Variants in RYR3 observed in about 807,000 individuals in gnomAD.
RYR3 encodes brain ryanodine receptor-calcium release channel.
In RYR3, 207 loss-of-function variants were observed where a neutral mutation model predicts 584.3. That is an observed-to-expected ratio of 0.35 (90% CI 0.32 to 0.40). The LOEUF (loss-of-function observed/expected upper bound fraction) is 0.40, where lower values mean the gene tolerates loss of function less well. Among genes scored for constraint, RYR3 ranks in the 10% least tolerant of loss-of-function variants. The pLI, the probability that RYR3 is intolerant of heterozygous loss-of-function variation, is 1.00. For synonymous variants in RYR3, 2,416 were observed against 2,248.5 expected (o/e 1.07, Z -2.11); for missense variants, 5,616 against 6,089.2 (o/e 0.92, Z 2.59).
At chr15:33,519,285 T>A (rs890506999) in intron 3 of RYR3, among the ~76,000 whole-genome samples, 21 of 152,204 alleles carry the variant, frequency 1.4e-4, no homozygotes, top group African/African-American at 4.8e-4. Context: ...ATTTGTGTCT[T>A]TCTATCTATC....
intron 51 of RYR3, among the ~76,000 whole-genome samples, chr15:33,740,278 C>A (rs1446783604): frequency 2.0e-5 from 3 of 152,178 alleles, no homozygotes; most frequent in Non-Finnish European, 4.4e-5. Context: ...GAGAGAACTA[C>A]CCTGACAAAT....
intron 65 of RYR3, among the ~76,000 whole-genome samples, chr15:33,781,862 G>T (rs921302425): frequency 3.3e-5 from 5 of 151,640 alleles, no homozygotes; most frequent in African/African-American, 4.8e-5. Context: ...AAAAAAAAGG[G>T]GGGGGGGATT....
At chr15:33,405,584 T>C (rs569469717) in intron 1 of RYR3, among the ~76,000 whole-genome samples, 80 of 152,364 alleles carry the variant, frequency 5.3e-4, no homozygotes, top group African/African-American at 1.7e-3. Context: ...TAAAGCATCA[T>C]AGTTTAGTCA....
In RYR3 at chr15:33,859,602, G is replaced by A; in HGVS notation, c.14170G>A (p.Val4724Met). 2 of 1,614,048 alleles carry A rather than the reference G, an allele frequency of 1.2e-6. No homozygotes were observed. The highest frequency in any genetic ancestry group is 1.7e-6 in the Non-Finnish European group (2 of 1,179,890). ...TCYLFHMYVG[V>M]RAGGGIGDEI... ...TTACCTTTTCCACATGTACGTGGGA[G>A]TGAGAGCAGGAGGTGGCATTGGTGA... The change falls in exon 100 of 104, where the codon GTG becomes ATG. Residue 4724 changes from valine (V) to methionine (M), a missense_variant. Physicochemically the swap from Val to Met is conservative, Grantham distance 21. Coordinates refer to ENST00000634891, the MANE Select transcript of RYR3 (RefSeq NM_001036.6).
At chr15:33,824,280 T>C (rs985417871) in intron 81 of RYR3, among the ~76,000 whole-genome samples, 2 of 152,246 alleles carry the variant, frequency 1.3e-5, no homozygotes, top group Admixed American at 6.5e-5. Flanking sequence ...AGATGCCAGC[T>C]GAGTTCTAAC....
chr15:33,451,041 A>C (rs2141976373), intron 1 of RYR3, among the ~76,000 whole-genome samples: 1 of 152,314 alleles, frequency 6.6e-6, no homozygotes, highest in East Asian at 1.9e-4. Context: ...TGTGCTGGCA[A>C]ACCTGGATCC....
chr15:33,586,674 T>C (rs770063454), intron 16 of RYR3, among the ~76,000 whole-genome samples: 6 of 152,206 alleles, frequency 3.9e-5, no homozygotes, highest in Non-Finnish European at 4.4e-5. Context: ...GCCTCAGTTA[T>C]GTCATCTGTA....
chr15:33,604,788 A>G (rs1408208755), intron 18 of RYR3, among the ~76,000 whole-genome samples: 1 of 152,224 alleles, frequency 6.6e-6, no homozygotes, highest in Non-Finnish European at 1.5e-5. Flanking sequence ...AGTGACCTTA[A>G]GCTTAGGTTA....
intron 3 of RYR3, among the ~76,000 whole-genome samples, chr15:33,509,535 A>G (rs2052785458): frequency 6.6e-6 from 1 of 152,236 alleles, no homozygotes. Context: ...CCATTTTTAC[A>G]TGTTTTAATA....
intron 34 of RYR3, among the ~76,000 whole-genome samples, chr15:33,661,199 T>C (rs1420874045): frequency 2.0e-5 from 3 of 151,914 alleles, no homozygotes; most frequent in Non-Finnish European, 2.9e-5. Context: ...CTCAAATCCA[T>C]GAGGAGTCGT....
In RYR3 at chr15:33,539,447, C is replaced by T. The variant is rs1165130618; in HGVS notation, c.531C>T (p.Ser177=). ...ATGACCTCATCCTCGTCAGCGTGTCCTCTGAAAGATACCTTGTAAGTACCT... is the reference window on the plus strand; with the variant it reads ...ATGACCTCATCCTCGTCAGCGTGTCTTCTGAAAGATACCTTGTAAGTACCT... ...IGDDLILVSV[S]SERYLHLSVS... The change falls in exon 6 of 104, where the codon TCC becomes TCT. Residue 177 remains serine (S), a synonymous_variant. Coordinates refer to ENST00000634891, the MANE Select transcript of RYR3 (RefSeq NM_001036.6). 6 of 1,592,602 alleles carry T rather than the reference C, an allele frequency of 3.8e-6. No individual in the cohort carries two copies. The highest frequency in any genetic ancestry group is 1.7e-5 in the Admixed American group (1 of 57,842).
intron 60 of RYR3, 40 bp from the exon 61 acceptor site, chr15:33,768,618 A>G (rs1479948217): frequency 1.3e-6 from 2 of 1,600,006 alleles, no homozygotes; most frequent in East Asian, 4.5e-5. Context: ...GAGTCCTTTA[A>G]TCTCTGTGAC....
At chr15:33,632,724 A>C (rs930575318) in intron 23 of RYR3, among the ~76,000 whole-genome samples, 1 of 152,198 alleles carries the variant, frequency 6.6e-6, no homozygotes, top group African/African-American at 2.4e-5. Flanking sequence ...GCTTTTTTCA[A>C]GTCTTCTTTG....
intron 30 of RYR3, among the ~76,000 whole-genome samples, chr15:33,648,217 A>G (rs992458991): frequency 3.3e-5 from 5 of 152,216 alleles, no homozygotes; most frequent in African/African-American, 1.2e-4. Flanking sequence ...AATATTATGC[A>G]CAATATTATG....
intron 1 of RYR3, among the ~76,000 whole-genome samples, chr15:33,447,943 T>G (rs1250496775): frequency 6.6e-6 from 1 of 152,070 alleles, no homozygotes; most frequent in Non-Finnish European, 1.5e-5. Context: ...CCAAGTTGGG[T>G]CCCCCAAATT....
intron 98 of RYR3, 125 bp downstream of exon 98, chr15:33,855,037 C>A: frequency 2.1e-6 from 2 of 973,982 alleles, no homozygotes; most frequent in Non-Finnish European, 2.8e-6. Context: ...TTTTCTTGGC[C>A]AAACACTTCA....
chr15:33,865,412 T>C lies in RYR3; in HGVS notation c.*186T>C. Reference sequence around the variant, plus strand: ...CTTTTTGTGCCTAATGGACATACACTGTGGGAGAGAACCTGTCAAAATGTC... The same window carrying C: ...CTTTTTGTGCCTAATGGACATACACCGTGGGAGAGAACCTGTCAAAATGTC... On this transcript the variant is annotated 3_prime_UTR_variant, in exon 104 of 104. Coordinates refer to ENST00000634891, the MANE Select transcript of RYR3 (RefSeq NM_001036.6). The C allele has an allele frequency of 1.8e-6, 1 of 545,840 alleles. No homozygotes were observed. The highest frequency in any genetic ancestry group is 3.2e-6 in the Non-Finnish European group (1 of 307,950). The allele number at this position is 545,840 out of a possible 1,614,324, so 33.8% of individuals were successfully genotyped here. A position where few individuals can be genotyped will look rare whatever the true frequency, so the allele number is the denominator to read the frequency against.
chr15:33,727,304 A>G (rs2068546679), intron 46 of RYR3, among the ~76,000 whole-genome samples: 1 of 152,206 alleles, frequency 6.6e-6, no homozygotes, highest in Non-Finnish European at 1.5e-5. Context: ...CCCATTATCC[A>G]GGCTAATGGA....
At chr15:33,699,251 TCTC>T (rs1185583706) in intron 40 of RYR3, among the ~76,000 whole-genome samples, 2 of 93,610 alleles carry the variant, frequency 2.1e-5, no homozygotes, top group East Asian at 1.2e-3. Context: ...TCTCTCTCTC[TCTC>T]CCCCCCTTTC....
Sources: allele counts gnomAD v4.1 joint callset (sites outside exome capture counted in the v4.1 genomes callset), GRCh38; gene constraint gnomAD v4.1.1; transcripts MANE v1.5; gene names NCBI Gene and HGNC (gene_info 2026-07-23, HGNC 2026-07-21).